LRP1B: variants seen among roughly 807,000 people sequenced by gnomAD.
The protein encoded by LRP1B is low-density lipoprotein receptor-related protein 1B.
In LRP1B, 217 loss-of-function variants were observed where a neutral mutation model predicts 556.6. The observed-to-expected ratio is 0.39, with a 90% confidence interval of 0.35 to 0.44. The LOEUF is 0.44. Among genes scored for constraint, LRP1B ranks in the 20% least tolerant of loss-of-function variants. The pLI, the probability that LRP1B is intolerant of heterozygous loss-of-function variation, is 1.00. For synonymous variants in LRP1B, 2,047 were observed against 1,865.8 expected, an observed-to-expected ratio of 1.10 and a Z score of -2.50; for missense variants, 5,053 against 5,620.8, an observed-to-expected ratio of 0.90 and a Z score of 3.23.
chr2:141,786,883 C>T (rs892737638), intron 2 of LRP1B, among the ~76,000 whole-genome samples: 8 of 152,070 alleles, frequency 5.3e-5, no homozygotes, highest in African/African-American at 1.7e-4. Context: ...GCCTTCGCTG[C>T]ATACATTGAG....
intron 3 of LRP1B, among the ~76,000 whole-genome samples, chr2:141,460,639 G>A (rs1461923096): frequency 6.6e-6 from 1 of 152,078 alleles, no homozygotes; most frequent in Non-Finnish European, 1.5e-5. Context: ...AACAATATTT[G>A]GAATAAGAGA....
At chr2:140,712,428 C>A (rs1034482393) in intron 37 of LRP1B, among the ~76,000 whole-genome samples, 6 of 152,014 alleles carry the variant, frequency 3.9e-5, no homozygotes, top group Admixed American at 3.3e-4. Context: ...AATCTTGCCT[C>A]CCTGCTTTCT....
At chr2:140,853,303 G>T (rs1692517153) in intron 27 of LRP1B, among the ~76,000 whole-genome samples, 1 of 152,062 alleles carries the variant, frequency 6.6e-6, no homozygotes, top group Non-Finnish European at 1.5e-5. Flanking sequence ...AGTTTCCCCA[G>T]TTTATTACCA....
At chr2:141,230,957 A>C (rs1178411234) in intron 5 of LRP1B, among the ~76,000 whole-genome samples, 3 of 152,186 alleles carry the variant, frequency 2.0e-5, no homozygotes, top group African/African-American at 7.2e-5. Flanking sequence ...AAAAGCGTAG[A>C]ACTTAGTGAT....
chr2:140,986,002 T>C (rs919664547), intron 17 of LRP1B, among the ~76,000 whole-genome samples: 3 of 151,816 alleles, frequency 2.0e-5, no homozygotes, highest in Non-Finnish European at 4.4e-5. Context: ...TTTTAATTTC[T>C]GGACATATTA....
chr2:141,532,295 C>T (rs1684912701), intron 2 of LRP1B, among the ~76,000 whole-genome samples: 3 of 151,488 alleles, frequency 2.0e-5, no homozygotes, highest in African/African-American at 4.9e-5. Context: ...CTCTTTCCTG[C>T]CTATCTAGTA....
intron 57 of LRP1B, among the ~76,000 whole-genome samples, chr2:140,488,553 T>C (rs1309972869): frequency 6.6e-6 from 1 of 152,026 alleles, no homozygotes; most frequent in Non-Finnish European, 1.5e-5. Context: ...ACATCCAGGA[T>C]CTAGGAATCT....
intron 3 of LRP1B, among the ~76,000 whole-genome samples, chr2:141,382,454 C>G (rs192692030): frequency 1.6e-4 from 24 of 152,364 alleles, no homozygotes; most frequent in Non-Finnish European, 3.1e-4. Flanking sequence ...AGCCAACAGA[C>G]AGTCTCACTA....
At position 140,357,667 on chromosome 2, in the gene LRP1B, T is replaced by C. The variant is rs550778370; in HGVS notation, c.11395+312A>G. Among the ~76,000 whole-genome samples, 4 of 151,734 alleles carry C rather than the reference T, an allele frequency of 2.6e-5. No individual in the cohort carries two copies. In the South Asian group the frequency reaches 8.3e-4, roughly 31 times the overall value. ...ACTAAATATCACCGTTTATAAAACT[T>C]AACACTAAATTTGTATAAGATAAAT... is the stretch of plus-strand genomic sequence containing the variant. On this transcript the variant is annotated intron_variant, in intron 74 of 90. Transcript: ENST00000389484.
chr2:142,031,327 CTTA>C (rs1337978919), intron 1 of LRP1B, among the ~76,000 whole-genome samples: 7 of 44,388 alleles, frequency 1.6e-4, no homozygotes, highest in African/African-American at 4.0e-4. Flanking sequence ...GTTGATTATA[CTTA>C]TTTTTTTTTT....
intron 7 of LRP1B, among the ~76,000 whole-genome samples, chr2:141,097,173 G>A (rs1305815564): frequency 6.6e-6 from 1 of 152,132 alleles, no homozygotes; most frequent in African/African-American, 2.4e-5. Flanking sequence ...TGATTACAGA[G>A]TTAATCATTG....
chr2:140,414,296 C>T (rs969939082), intron 66 of LRP1B, among the ~76,000 whole-genome samples: 5 of 152,064 alleles, frequency 3.3e-5, no homozygotes, highest in Admixed American at 6.6e-5. Flanking sequence ...TCCCTAAAGG[C>T]AATTAAATCA....
intron 20 of LRP1B, among the ~76,000 whole-genome samples, chr2:140,946,211 G>C (rs1416976922): frequency 6.6e-6 from 1 of 152,194 alleles, no homozygotes; most frequent in Non-Finnish European, 1.5e-5. Context: ...ACAGATGTTG[G>C]TGAGACTGTG....
At chr2:140,890,534 G>T (rs1385924484) in intron 23 of LRP1B, among the ~76,000 whole-genome samples, 1 of 151,918 alleles carries the variant, frequency 6.6e-6, no homozygotes, top group Non-Finnish European at 1.5e-5. Flanking sequence ...GAAAACATTT[G>T]TTTGATAAAT....
intron 88 of LRP1B, 31 bp downstream of exon 88, chr2:140,239,411 C>T: frequency 7.2e-7 from 1 of 1,392,084 alleles, no homozygotes. Flanking sequence ...GATTTATTCA[C>T]TGACTGCTAA....
chr2:140,252,151 T>C (rs1196554191), intron 86 of LRP1B, among the ~76,000 whole-genome samples: 1 of 149,416 alleles, frequency 6.7e-6, no homozygotes, highest in East Asian at 2.0e-4. Context: ...CTTAGATATT[T>C]ATTCATCTGC....
chr2:141,153,415 CTA>C (rs1160827630), intron 7 of LRP1B, among the ~76,000 whole-genome samples: 4 of 104,870 alleles, frequency 3.8e-5, no homozygotes, highest in African/African-American at 1.5e-4. Context: ...TATATATTAG[CTA>C]TATATATTTA....
At chr2:140,754,002 A>G (rs1213785990) in intron 35 of LRP1B, among the ~76,000 whole-genome samples, 1 of 152,178 alleles carries the variant, frequency 6.6e-6, no homozygotes, top group Non-Finnish European at 1.5e-5. Context: ...CAGAAGTTCT[A>G]TGCCAAGAGA....
intron 3 of LRP1B, among the ~76,000 whole-genome samples, chr2:141,462,492 G>T (rs1330024187): frequency 6.6e-6 from 1 of 151,768 alleles, no homozygotes; most frequent in African/African-American, 2.4e-5. Context: ...AGGGCCTGTT[G>T]GGGGGTGGGG....
Sources: allele counts gnomAD v4.1 joint callset (sites outside exome capture counted in the v4.1 genomes callset), GRCh38; gene constraint gnomAD v4.1.1; transcripts MANE v1.5; gene names NCBI Gene and HGNC (gene_info 2026-07-23, HGNC 2026-07-21).